Variants in TEX30 observed in about 807,000 individuals in gnomAD.
TEX30 encodes the protein testis expressed 30, also known as testis-expressed protein 30.
A neutral mutation model predicts 23.8 loss-of-function variants in TEX30; 14 were observed. The ratio of observed to expected loss-of-function variants is 0.59; its 90% CI spans 0.39 to 0.92. The LOEUF (loss-of-function observed/expected upper bound fraction) is 0.92. TEX30 is among the 40% of genes least tolerant of loss of function. TEX30 has a pLI of 0.00. For synonymous variants in TEX30, 78 were observed against 90.2 expected (o/e 0.87, Z 0.76); for missense variants, 246 against 270.6 (o/e 0.91, Z 0.64).
intron 3 of TEX30, 130 bp downstream of exon 3, chr13:102,769,181 G>T: frequency 1.6e-6 from 1 of 627,988 alleles, no homozygotes; most frequent in Non-Finnish European, 2.5e-6. Context: ...ATGTACTGCT[G>T]AGTTTTCTAA....
intron 4 of TEX30, among the ~76,000 whole-genome samples, chr13:102,767,831 T>G (rs535505151): frequency 1.1e-3 from 175 of 152,180 alleles, no homozygotes; most frequent in African/African-American, 4.1e-3. Flanking sequence ...GAGAATCACT[T>G]GAATCCCAGA....
chr13:102,766,724 G>C, intron 5 of TEX30, 144 bp from the exon 6 acceptor site: 1 of 701,718 alleles, frequency 1.4e-6, no homozygotes, highest in Non-Finnish European at 2.2e-6. Context: ...TAGAATGTGT[G>C]AGGAAATGTC....
Position 102,766,149 on chromosome 13 carries a change from C to A in TEX30, c.*252G>T. 1 of 244,066 alleles carries A rather than the reference C, an allele frequency of 4.1e-6. No homozygotes were observed. Among genetic ancestry groups the A allele is most frequent in the Non-Finnish European group, 7.7e-6 (1 of 129,468 alleles). The allele number at this position is 244,066 out of a possible 1,614,324, so 15.1% of individuals were successfully genotyped here. ...TTCAGATGTTTAATTTTTTTCAAAACTTAACTATACTAATGAAAATAAATT... is the reference window on the plus strand; with the variant it reads ...TTCAGATGTTTAATTTTTTTCAAAAATTAACTATACTAATGAAAATAAATT... On this transcript the variant is annotated 3_prime_UTR_variant, in exon 6 of 6. Coordinates refer to ENST00000376032, the MANE Select transcript of TEX30 (RefSeq NM_138779.5).
At position 102,767,467 on chromosome 13, in the gene TEX30, C is replaced by T. The variant is rs751940803; in HGVS notation, c.310G>A (p.Gly104Ser). The part of the protein sequence containing the change: ...AGVFLGGRSM[G>S]SRAAASVMCH... ...ATTACAGAAGCAGCTGCTCTTGAGC[C>T]CATTGAACGACCTAAAATCAATTAA... Residue 104 changes from glycine to serine, a missense_variant, in exon 5 of 6, where the codon GGC (glycine) becomes AGC (serine). By Grantham distance (56) the Gly-to-Ser change is moderately conservative (BLOSUM62 0). Coordinates refer to ENST00000376032, the MANE Select transcript of TEX30 (RefSeq NM_138779.5). 1.5e-5 allele frequency: 25 copies of T among 1,613,820 alleles called. No individual in the cohort carries two copies. In the Middle Eastern group the frequency reaches 4.9e-4, roughly 32 times the overall value.
rs1877135941 is a variant in TEX30, at chr13:102,769,304, T to C, written c.246+7A>G. On this transcript the variant is annotated splice_region_variant and intron_variant, in intron 3 of 5. Transcript: ENST00000376032. ...TGTTATAAGTAAATATAAAGAAATT[T>C]TCTTACCAAAACTGATTTATACGCC... 1 of 1,498,114 alleles carries C rather than the reference T, an allele frequency of 6.7e-7. No individual in the cohort carries two copies. The highest frequency in any genetic ancestry group is 8.9e-7 in the Non-Finnish European group (1 of 1,124,648). 92.8% of individuals were successfully genotyped at this position (1,498,114 alleles called of 1,614,324 possible).
At position 102,768,276 on chromosome 13, in the gene TEX30, T is replaced by C; in HGVS notation, c.282A>G (p.Ala94=). 1 of 1,606,264 alleles carries C rather than the reference T, an allele frequency of 6.2e-7. No individual in the cohort carries two copies. Among genetic ancestry groups the C allele is most frequent in the South Asian group, 1.1e-5 (1 of 89,342 alleles). Residue 94 remains alanine, a synonymous_variant, in exon 4 of 6, where the codon GCA becomes GCG. Coordinates refer to ENST00000376032, the MANE Select transcript of TEX30 (RefSeq NM_138779.5). ...YLKTSGEYKL[A]GVFLGGRSMG... ...TGCACTTACCTCCAAGAAAAACACC[T>C]GCAAGTTTGTATTCTCCTGATGTCT...
In TEX30 at chr13:102,772,684, TC is replaced by T. The variant is rs569043557; in HGVS notation, c.-61+997del. ...TCTGCCTCCCGGGTTCAAGAGATTC[TC>T]CAGCCTCAGCCTCCCGAGTAGCTGA... On this transcript the variant is annotated intron_variant, in intron 1 of 5. Coordinates refer to ENST00000376032, the MANE Select transcript of TEX30 (RefSeq NM_138779.5). Among the ~76,000 whole-genome samples, 9 of 152,272 alleles carry T rather than the reference TC, an allele frequency of 5.9e-5. No individual in the cohort carries two copies. The South Asian group carries it at 1.9e-3, about 32-fold the overall frequency.
At chr13:102,771,910 A>G (rs1482581607) in intron 1 of TEX30, among the ~76,000 whole-genome samples, 6 of 152,200 alleles carry the variant, frequency 3.9e-5, no homozygotes, top group African/African-American at 1.4e-4. Context: ...ACCGCTGTCC[A>G]GTGCTGCCAG....
intron 1 of TEX30, among the ~76,000 whole-genome samples, chr13:102,771,713 C>G (rs189536712): frequency 1.3e-5 from 2 of 151,456 alleles, no homozygotes; most frequent in East Asian, 3.9e-4. Flanking sequence ...CAAAGATCCT[C>G]TGTTTTACTT....
chr13:102,769,545 G>A lies in TEX30; in HGVS notation c.16-4C>T. 2 of 1,535,958 alleles carry A rather than the reference G, an allele frequency of 1.3e-6. No homozygotes were observed. Among genetic ancestry groups the A allele is most frequent in the Non-Finnish European group, 1.8e-6 (2 of 1,126,012 alleles). On this transcript the variant is annotated splice_region_variant and splice_polypyrimidine_tract_variant and intron_variant, in intron 2 of 5. Transcript: ENST00000376032. ...CAAAAGGTATTTTTAATTTAACCTG[G>A]AATTCAAGAGAATAAAGGGATCAAA...
chr13:102,767,577 C>A, intron 4 of TEX30, 99 bp from the exon 5 acceptor site: 1 of 1,241,520 alleles, frequency 8.1e-7, no homozygotes, highest in Non-Finnish European at 1.1e-6. Context: ...TTCATCATAT[C>A]TGTTTACCAA....
At chr13:102,769,228 G>GA in intron 3 of TEX30, 83 bp downstream of exon 3, 1 of 1,040,546 alleles carries the variant, frequency 9.6e-7, no homozygotes, top group Admixed American at 3.4e-5. Flanking sequence ...AATTAAACCA[G>GA]ATGACTAATA....
intron 3 of TEX30, 151 bp downstream of exon 3, chr13:102,769,159 TA>T (rs1332356267): frequency 6.1e-6 from 3 of 494,782 alleles, no homozygotes; most frequent in East Asian, 7.1e-5. Flanking sequence ...ATCTGACGAC[TA>T]AAAAGCTTTC....
In TEX30 at chr13:102,767,466, C is replaced by A. The variant is rs764418704; in HGVS notation, c.311G>T (p.Gly104Val). 2 of 1,614,002 alleles carry A rather than the reference C, an allele frequency of 1.2e-6. No homozygotes were observed. The highest frequency in any genetic ancestry group is 1.7e-6 in the Non-Finnish European group (2 of 1,179,994). Residue 104 changes from glycine (G) to valine (V), a missense_variant, in exon 5 of 6, where the codon GGC becomes GTC. Coordinates refer to ENST00000376032, the MANE Select transcript of TEX30 (RefSeq NM_138779.5). ...CATTACAGAAGCAGCTGCTCTTGAG[C>A]CCATTGAACGACCTAAAATCAATTA... ...AGVFLGGRSM[G>V]SRAAASVMCH... is the part of the protein sequence containing the mutation.
Position 102,771,850 on chromosome 13 carries a change from A to T in TEX30, c.-60-1764T>A, listed in dbSNP as rs186705511. On this transcript the variant is annotated intron_variant, in intron 1 of 5. Coordinates refer to ENST00000376032, the MANE Select transcript of TEX30 (RefSeq NM_138779.5). ...GATTTCACCTAAATCATCTTTCTTT[A>T]AGCTCCTTACACCCACCTTCTGCAC... is the stretch of plus-strand genomic sequence containing the variant. Among the ~76,000 whole-genome samples the T allele has an allele frequency of 7.9e-4, 120 of 152,278 alleles. 1 individual carries two copies. Among genetic ancestry groups the T allele is most frequent in the Admixed American group, 5.0e-3 (76 of 15,290 alleles).
rs1022496568 is a variant in TEX30 at position 102,766,178 on chromosome 13, T to C, written c.*223A>G. The C allele has an allele frequency of 3.1e-6, 1 of 326,884 alleles. No homozygotes were observed. Among genetic ancestry groups the C allele is most frequent in the African/African-American group, 2.1e-5 (1 of 47,118 alleles). The allele number at this position is 326,884 out of a possible 1,614,324, so 20.2% of individuals were successfully genotyped here. ...ACTATACTAATGAAAATAAATTATA[T>C]GTAGACCACCTTCAATATTTTTACA... On this transcript the variant is annotated 3_prime_UTR_variant, in exon 6 of 6. Transcript: ENST00000376032.
chr13:102,767,548 C>A, intron 4 of TEX30, 70 bp from the exon 5 acceptor site: 3 of 1,460,806 alleles, frequency 2.1e-6, no homozygotes, highest in Non-Finnish European at 1.9e-6. Context: ...GATGGTGTGG[C>A]AAATTGGATC....
At chr13:102,769,698 G>A in intron 2 of TEX30, 157 bp from the exon 3 acceptor site, 1 of 581,902 alleles carries the variant, frequency 1.7e-6, no homozygotes, top group Admixed American at 3.6e-5. Flanking sequence ...AGTGCTTACT[G>A]TGTCGGGTAT....
intron 1 of TEX30, among the ~76,000 whole-genome samples, chr13:102,773,053 G>A (rs746149717): frequency 6.6e-6 from 1 of 152,244 alleles, no homozygotes; most frequent in Admixed American, 6.5e-5. Context: ...GGAGTTCTAG[G>A]ACGACAACTA....
Sources: gnomAD v4.1 joint callset for allele counts (sites outside exome capture counted in the v4.1 genomes callset) on GRCh38, gnomAD v4.1.1 for gene constraint, MANE v1.5 for transcripts, NCBI Gene and HGNC (gene_info 2026-07-23, HGNC 2026-07-21) for gene names.